Variants in F11 observed in about 807,000 individuals in gnomAD.
F11 encodes coagulation factor XI.
Under a neutral mutation model 76.5 loss-of-function variants are expected in F11, and 78 were observed. That is an observed-to-expected ratio of 1.02 (90% CI 0.85 to 1.23). The LOEUF is 1.23. F11 is among the 50% of genes most tolerant of loss of function. The pLI, the probability that F11 is intolerant of heterozygous loss-of-function variation, is 0.00. For synonymous variants in F11, 278 were observed against 276.3 expected (o/e 1.01, Z -0.06); for missense variants, 742 against 771.4 (o/e 0.96, Z 0.45).
chr4:186,287,314 T>G (rs1741275807), intron 13 of F11, among the ~76,000 whole-genome samples: 1 of 151,692 alleles, frequency 6.6e-6, no homozygotes, highest in South Asian at 2.1e-4. Flanking sequence ...GCACCACTGG[T>G]GGCTCACGCC....
rs1249898354 is a variant in F11 at position 186,271,699 on chromosome 4, T to A, written c.146T>A (p.Val49Asp). 6.2e-7 allele frequency: 1 copy of A among 1,614,200 alleles called. No homozygotes were observed. The highest frequency in any genetic ancestry group is 8.5e-7 in the Non-Finnish European group (1 of 1,180,016). ...FTPSAKYCQVVCTYHPRCLLF... is the reference protein window; with the variant it reads ...FTPSAKYCQVDCTYHPRCLLF... ...CCAAGCGCCAAGTACTGCCAGGTAG[T>A]CTGCACTTACCACCCAAGATGTTTA... The change falls in exon 3 of 15, where the codon GTC (valine) becomes GAC (aspartate). Residue 49 changes from valine to aspartate, a missense_variant. Transcript: ENST00000403665.
rs2289251 is a variant in F11 at position 186,286,200 on chromosome 4, C to T, written c.1481-215C>T. 0.06 allele frequency: 32,931 copies of T among 548,652 alleles called. 1,260 individuals are homozygous for T. Among genetic ancestry groups the T allele is most frequent in the African/African-American group, 0.12 (6,197 of 53,006 alleles). The allele number at this position is 548,652 out of a possible 1,614,324, so 34.0% of individuals were successfully genotyped here. ...CAAAGTGAGTTGGATGAGGAGTTAG[C>T]GGTGAGGGTGAGGCTTGTCTCTCTC... is the stretch of plus-strand genomic sequence containing the variant. On this transcript the variant is annotated intron_variant, in intron 12 of 14. Coordinates refer to ENST00000403665, the MANE Select transcript of F11 (RefSeq NM_000128.4).
intron 10 of F11, chr4:186,282,286 G>T: frequency 1.0e-6 from 1 of 985,346 alleles, no homozygotes; most frequent in Non-Finnish European, 1.2e-6. Context: ...GGTATAGATT[G>T]ATAGCTACAG....
chr4:186,283,002 G>A, intron 10 of F11: 1 of 985,358 alleles, frequency 1.0e-6, no homozygotes, highest in Non-Finnish European at 1.2e-6. Context: ...TGTTAACTTA[G>A]ACTCCTCCCT....
At chr4:186,290,655 A>G (rs1741497712), downstream of F11, 1 of 152,190 alleles carries the variant, frequency 6.6e-6, no homozygotes. Context: ...TGATTCATTA[A>G]TGAAAGTTCT....
At chr4:186,273,857 G>A (rs1194566884) in intron 4 of F11, among the ~76,000 whole-genome samples, 1 of 152,232 alleles carries the variant, frequency 6.6e-6, no homozygotes, top group Non-Finnish European at 1.5e-5. Flanking sequence ...GAAATAATCA[G>A]TGCAGTTAGG....
Position 186,288,655 on chromosome 4 carries a change from G to T in F11, c.*41G>T. 1 of 1,591,686 alleles carries T rather than the reference G, an allele frequency of 6.3e-7. No individual in the cohort carries two copies. The highest frequency in any genetic ancestry group is 8.6e-7 in the Non-Finnish European group (1 of 1,167,460). ...CCATTGGAGTCCCTGAAGGACCCAG[G>T]ATTTGCTGGGAGAGGGTGTTGAGTT... On this transcript the variant is annotated 3_prime_UTR_variant, in exon 15 of 15. Coordinates refer to ENST00000403665, the MANE Select transcript of F11 (RefSeq NM_000128.4).
chr4:186,283,212 CGT>C (rs545862573), intron 10 of F11: 4 of 174,040 alleles, frequency 2.3e-5, no homozygotes, highest in African/African-American at 4.8e-5. Context: ...TAGGTGTGTG[CGT>C]GTGTGTGCGC....
chr4:186,268,917 CAGAA>C (rs1194280082), intron 2 of F11, among the ~76,000 whole-genome samples: 2 of 151,982 alleles, frequency 1.3e-5, no homozygotes, highest in African/African-American at 2.4e-5. Context: ...AATTAGAAGG[CAGAA>C]AGAAGAAATC....
In F11 at chr4:186,286,398, C is replaced by T. The variant is rs774945107; in HGVS notation, c.1481-17C>T. 5.0e-6 allele frequency: 8 copies of T among 1,607,658 alleles called. No homozygotes were observed. Among genetic ancestry groups the T allele is most frequent in the South Asian group, 4.4e-5 (4 of 90,952 alleles). ...TATTTTGCGTCTCATATTTAAACCA[C>T]GATTTTTTAAATTTAGATTCTCAAC... On this transcript the variant is annotated splice_polypyrimidine_tract_variant and intron_variant, in intron 12 of 14. Transcript: ENST00000403665.
intron 4 of F11, among the ~76,000 whole-genome samples, chr4:186,273,520 A>T (rs1178485726): frequency 6.6e-6 from 1 of 151,568 alleles, no homozygotes; most frequent in Admixed American, 6.6e-5. Flanking sequence ...TGGTGCAATC[A>T]CAGCTCACTC....
intron 2 of F11, among the ~76,000 whole-genome samples, chr4:186,268,903 A>C (rs1175307986): frequency 6.6e-6 from 1 of 152,210 alleles, no homozygotes. Context: ...CTTAAGTGCT[A>C]AGAAATTAGA....
chr4:186,287,751 A>T lies in F11; in HGVS notation c.1644A>T (p.Arg548Ser). The T allele has an allele frequency of 6.2e-7, 1 of 1,613,826 alleles. No individual in the cohort carries two copies. Among genetic ancestry groups the T allele is most frequent in the Non-Finnish European group, 8.5e-7 (1 of 1,179,848 alleles). Reference sequence around the variant, plus strand: ...TGACCAACGAAGAGTGCCAGAAGAGATACAGAGGACATAAAATAACCCATA... The same window carrying T: ...TGACCAACGAAGAGTGCCAGAAGAGTTACAGAGGACATAAAATAACCCATA... ...PLVTNEECQK[R>S]YRGHKITHKM... The change falls in exon 14 of 15, where the codon AGA becomes AGT. Residue 548 changes from arginine (R) to serine (S), a missense_variant. Arg to Ser is a moderately radical substitution (Grantham distance 110). Transcript: ENST00000403665.
chr4:186,275,948 T>G (rs774828327), intron 6 of F11, 52 bp downstream of exon 6: 30 of 1,377,638 alleles, frequency 2.2e-5, no homozygotes, highest in Non-Finnish European at 3.1e-5. Flanking sequence ...ATGCTGATGA[T>G]TACAGTAGAT....
intron 2 of F11, among the ~76,000 whole-genome samples, chr4:186,270,665 ACACAG>A (rs1739877188): frequency 6.6e-6 from 1 of 151,906 alleles, no homozygotes; most frequent in South Asian, 2.1e-4. Context: ...ACACACACAC[ACACAG>A]AACACGTGTG....
At chr4:186,273,956 T>A (rs559800930) in intron 4 of F11, among the ~76,000 whole-genome samples, 160 bp from the exon 5 acceptor site, 1 of 152,316 alleles carries the variant, frequency 6.6e-6, no homozygotes, top group Non-Finnish European at 1.5e-5. Flanking sequence ...ATTCTTTTAC[T>A]GCTTCCATTC....
chr4:186,290,028 CTTTGAAGA>C (rs368723169), downstream of F11, among the ~76,000 whole-genome samples: 369 of 152,154 alleles, frequency 2.4e-3, 2 homozygotes, highest in African/African-American at 7.3e-3. Flanking sequence ...TCATGCTGAG[CTTTGAAGA>C]TACAGTGGTG....
intron 2 of F11, among the ~76,000 whole-genome samples, chr4:186,271,343 A>G (rs1739937927): frequency 6.6e-6 from 1 of 152,224 alleles, no homozygotes; most frequent in African/African-American, 2.4e-5. Context: ...AAATGATTCA[A>G]TTACCCTCAA....
At chr4:186,276,201 A>G (rs1740362769) in intron 6 of F11, 30 bp from the exon 7 acceptor site, 2 of 1,613,974 alleles carry the variant, frequency 1.2e-6, no homozygotes, top group Non-Finnish European at 1.7e-6. Flanking sequence ...TGGTGAATTG[A>G]GTCCCTGACA....
Sources: allele counts gnomAD v4.1 joint callset (sites outside exome capture counted in the v4.1 genomes callset), GRCh38; gene constraint gnomAD v4.1.1; transcripts MANE v1.5; gene names NCBI Gene and HGNC (gene_info 2026-07-23, HGNC 2026-07-21).